EHBP1: variants seen among roughly 807,000 people sequenced by gnomAD.
EHBP1 encodes EH domain-binding protein 1.
In EHBP1, 55 loss-of-function variants were observed where a neutral mutation model predicts 144.0. That is an observed-to-expected ratio of 0.38 (90% confidence interval 0.31 to 0.48). EHBP1 has a LOEUF of 0.48. Ranked by LOEUF, EHBP1 falls within the 20% of genes least tolerant of loss-of-function variation. EHBP1 has a pLI of 0.98. For synonymous variants in EHBP1, 469 were observed against 472.7 expected (o/e 0.99, Z 0.10); for missense variants, 1,200 against 1,364.2 (o/e 0.88, Z 1.90).
intron 14 of EHBP1, among the ~76,000 whole-genome samples, chr2:62,965,894 T>A (rs1288519111): frequency 1.3e-5 from 2 of 152,200 alleles, no homozygotes; most frequent in African/African-American, 2.4e-5. Flanking sequence ...TCTCTTTCCC[T>A]ATTTCCTCCA....
chr2:62,716,774 T>C (rs549680260), intron 2 of EHBP1, among the ~76,000 whole-genome samples: 86 of 152,328 alleles, frequency 5.6e-4, no homozygotes, highest in Non-Finnish European at 1.1e-3. Context: ...CCCTTTCCTC[T>C]TCCCGAGGCC....
chr2:62,826,091 C>A lies in EHBP1; in HGVS notation c.317C>A (p.Ser106Tyr), dbSNP rs2046325770. 6.9e-7 allele frequency: 1 copy of A among 1,455,250 alleles called. No individual in the cohort carries two copies. Among genetic ancestry groups the A allele is most frequent in the Admixed American group, 2.5e-5 (1 of 39,320 alleles). The allele number at this position is 1,455,250 out of a possible 1,614,324, so 90.1% of individuals were successfully genotyped here. A position where few individuals can be genotyped will look rare whatever the true frequency, so the allele number is the denominator to read the frequency against. The change falls in exon 6 of 23, where the codon TCC becomes TAC. Residue 106 changes from serine (S) to tyrosine (Y), a missense_variant. By Grantham distance (144) the Ser-to-Tyr change is moderately radical. Around this residue, in one of 6 missense-constraint regions of EHBP1, gnomAD observed 137 missense variants for 190.1 expected, o/e 0.72. Transcript: ENST00000431489. ...KEWTFVIENE[S>Y]PSGRRKALAT... ...TTTTTTTCTTTAATCTTCCAGGAAT[C>A]CCCTTCTGGTCGAAGGAAAGCTCTT...
chr2:62,808,772 A>G (rs1049854870), intron 5 of EHBP1, among the ~76,000 whole-genome samples: 2 of 152,068 alleles, frequency 1.3e-5, no homozygotes, highest in African/African-American at 4.8e-5. Flanking sequence ...TGGAGGAGGG[A>G]AGCATTCTGT....
At chr2:62,749,931 G>A (rs1327451886) in intron 3 of EHBP1, among the ~76,000 whole-genome samples, 1 of 152,140 alleles carries the variant, frequency 6.6e-6, no homozygotes, top group African/African-American at 2.4e-5. Context: ...CATTCTGTAG[G>A]TTGTCTGTTC....
At chr2:63,025,549 C>T (rs983057022) in intron 19 of EHBP1, among the ~76,000 whole-genome samples, 2 of 152,172 alleles carry the variant, frequency 1.3e-5, no homozygotes, top group Non-Finnish European at 2.9e-5. Flanking sequence ...AGGCGTGAGG[C>T]TCTGGCCCTT....
intron 3 of EHBP1, among the ~76,000 whole-genome samples, chr2:62,748,616 T>G (rs2039378742): frequency 6.6e-6 from 1 of 152,062 alleles, no homozygotes; most frequent in Non-Finnish European, 1.5e-5. Context: ...GCTAAGATTG[T>G]GCCACTGCCC....
intron 5 of EHBP1, among the ~76,000 whole-genome samples, chr2:62,822,782 C>G (rs1046875488): frequency 6.6e-6 from 1 of 152,098 alleles, no homozygotes; most frequent in African/African-American, 2.4e-5. Context: ...GGCTTAGATA[C>G]ATGAAGAAAT....
chr2:62,866,547 A>C (rs900957133), intron 9 of EHBP1, among the ~76,000 whole-genome samples: 6 of 152,240 alleles, frequency 3.9e-5, no homozygotes, highest in African/African-American at 7.2e-5. Context: ...ATATTAGAAA[A>C]TTGAAATTGA....
chr2:62,983,340 G>C (rs2059048298), intron 15 of EHBP1, among the ~76,000 whole-genome samples: 1 of 151,882 alleles, frequency 6.6e-6, no homozygotes, highest in South Asian at 2.1e-4. Flanking sequence ...TTAAATTTTT[G>C]TTAATGGTCT....
chr2:62,849,866 G>A (rs2048557414), intron 7 of EHBP1, among the ~76,000 whole-genome samples: 1 of 152,108 alleles, frequency 6.6e-6, no homozygotes, highest in Admixed American at 6.5e-5. Flanking sequence ...GAGTAGAAGT[G>A]CCCACTAGGT....
chr2:62,832,846 G>A (rs2046931019), intron 7 of EHBP1, among the ~76,000 whole-genome samples: 2 of 152,128 alleles, frequency 1.3e-5, no homozygotes, highest in Admixed American at 1.3e-4. Context: ...GCCTATGGGT[G>A]TTTAAGTGAA....
intron 9 of EHBP1, among the ~76,000 whole-genome samples, chr2:62,868,230 TTAGC>T (rs1483286051): frequency 6.6e-6 from 1 of 151,956 alleles, no homozygotes; most frequent in Non-Finnish European, 1.5e-5. Context: ...ATACAAAAAC[TTAGC>T]TAGGCATGGT....
chr2:62,845,827 A>G (rs962961270), intron 7 of EHBP1, among the ~76,000 whole-genome samples: 2 of 152,128 alleles, frequency 1.3e-5, no homozygotes, highest in Non-Finnish European at 2.9e-5. Context: ...TAAAATGGCC[A>G]CCTATTTTGG....
chr2:62,753,557 A>C (rs2039964470), intron 3 of EHBP1, among the ~76,000 whole-genome samples: 1 of 152,078 alleles, frequency 6.6e-6, no homozygotes, highest in South Asian at 2.1e-4. Context: ...CTGCCTTGCT[A>C]GGTTGGGGCA....
At chr2:62,920,997 C>T (rs1396749376) in intron 10 of EHBP1, among the ~76,000 whole-genome samples, 1 of 152,100 alleles carries the variant, frequency 6.6e-6, no homozygotes, top group Non-Finnish European at 1.5e-5. Context: ...TTAATTAATG[C>T]AAAATTCTGT....
At chr2:63,039,629 C>T (rs1348455233) in intron 21 of EHBP1, among the ~76,000 whole-genome samples, 2 of 152,046 alleles carry the variant, frequency 1.3e-5, no homozygotes, top group Non-Finnish European at 2.9e-5. Flanking sequence ...TGTTCTTCAC[C>T]TGATAAGGTA....
chr2:62,734,874 G>C (rs1041647676), intron 2 of EHBP1, among the ~76,000 whole-genome samples: 21 of 152,108 alleles, frequency 1.4e-4, no homozygotes, highest in African/African-American at 4.8e-4. Context: ...GCTTACAGGC[G>C]TGAGCCACTG....
chr2:62,996,053 G>C (rs2059615117), intron 18 of EHBP1, among the ~76,000 whole-genome samples: 1 of 152,006 alleles, frequency 6.6e-6, no homozygotes, highest in Non-Finnish European at 1.5e-5. Context: ...GCATATTAAA[G>C]TACAGGAGCC....
intron 19 of EHBP1, among the ~76,000 whole-genome samples, chr2:63,000,093 G>C (rs563010227): frequency 1.3e-5 from 2 of 152,158 alleles, no homozygotes; most frequent in African/African-American, 4.8e-5. Context: ...TTACATCCTG[G>C]GGGGAGGCAG....
Sources: gnomAD v4.1 joint callset for allele counts (sites outside exome capture counted in the v4.1 genomes callset) on GRCh38, gnomAD v4.1.1 for gene constraint, gnomAD v4.1.1 regional missense constraint, MANE v1.5 for transcripts, NCBI Gene and HGNC (gene_info 2026-07-23, HGNC 2026-07-21) for gene names.